The following PPARG variants were observed in gnomAD, a reference collection of about 807,000 sequenced individuals.
PPARG encodes the protein peroxisome proliferator-activated receptor gamma.
A neutral mutation model predicts 39.2 loss-of-function variants in PPARG; 17 were observed. That is an observed-to-expected ratio of 0.43 (90% confidence interval 0.30 to 0.65). PPARG has a LOEUF of 0.65. Among genes scored for constraint, PPARG ranks in the 30% least tolerant of loss-of-function variants. PPARG has a pLI of 0.13. For missense variants in PPARG, 406 were observed against 585.9 expected (o/e 0.69, Z 3.17); for synonymous variants, 223 against 215.7 (o/e 1.03, Z -0.30).
rs773298923 is a variant in PPARG at position 12,405,907 on chromosome 3, G to A, written c.555G>A (p.Gln185=). 6.2e-7 allele frequency: 1 copy of A among 1,614,148 alleles called. No homozygotes were observed. The highest frequency in any genetic ancestry group is 8.5e-7 in the Non-Finnish European group (1 of 1,180,018). ...HNAIRFGRMP[Q]AEKEKLLAEI... ...CCATCAGGTTTGGGCGGATGCCACA[G>A]GCCGAGAAGGAGAAGCTGTTGGCGG... is the stretch of plus-strand genomic sequence containing the variant. The change falls in exon 6 of 8, where the codon CAG becomes CAA. Residue 185 remains glutamine, a synonymous_variant. Transcript: ENST00000651735.
intron 2 of PPARG, among the ~76,000 whole-genome samples, chr3:12,335,330 T>C (rs1399969372): frequency 6.6e-6 from 1 of 152,198 alleles, no homozygotes; most frequent in Non-Finnish European, 1.5e-5. Flanking sequence ...ATTGAATTAT[T>C]TGAGGTTTTG....
intron 2 of PPARG, among the ~76,000 whole-genome samples, chr3:12,321,578 AT>A (rs1267080002): frequency 2.0e-5 from 3 of 152,050 alleles, no homozygotes; most frequent in Non-Finnish European, 4.4e-5. Context: ...CATTTGGGTT[AT>A]TGCAGATTAA....
At chr3:12,421,159 C>T (rs572376584) in intron 7 of PPARG, among the ~76,000 whole-genome samples, 1 of 152,322 alleles carries the variant, frequency 6.6e-6, no homozygotes, top group South Asian at 2.1e-4. Flanking sequence ...CCTGGGTGTC[C>T]TAACTGTCCC....
chr3:12,317,656 T>G (rs2047425615), intron 2 of PPARG, among the ~76,000 whole-genome samples: 1 of 152,172 alleles, frequency 6.6e-6, no homozygotes, highest in African/African-American at 2.4e-5. Context: ...ATGTAAATAT[T>G]TCACTCAATT....
chr3:12,361,790 A>C (rs900121835), intron 2 of PPARG, among the ~76,000 whole-genome samples: 1 of 152,208 alleles, frequency 6.6e-6, no homozygotes, highest in Non-Finnish European at 1.5e-5. Context: ...CTTCCCCTTC[A>C]AGATTTCCTT....
At chr3:12,329,206 C>T (rs1027348179) in intron 2 of PPARG, among the ~76,000 whole-genome samples, 1 of 149,286 alleles carries the variant, frequency 6.7e-6, no homozygotes, top group Non-Finnish European at 1.5e-5. Flanking sequence ...TGTAATAGTG[C>T]TCTCACTTTT....
At chr3:12,327,853 T>C (rs993453197) in intron 2 of PPARG, 3 of 471,550 alleles carry the variant, frequency 6.4e-6, no homozygotes, top group East Asian at 3.5e-5. Flanking sequence ...TCCTTTGTTA[T>C]CACAAACAAA....
intron 5 of PPARG, among the ~76,000 whole-genome samples, chr3:12,401,950 C>T (rs938561328): frequency 4.6e-5 from 7 of 152,042 alleles, no homozygotes; most frequent in African/African-American, 7.2e-5. Context: ...AATGGTTTTT[C>T]GGGGTATTTT....
chr3:12,316,015 T>G (rs116679556), intron 2 of PPARG, among the ~76,000 whole-genome samples: 1 of 152,202 alleles, frequency 6.6e-6, no homozygotes, highest in Non-Finnish European at 1.5e-5. Context: ...CCGTATTGTT[T>G]CTAGGCAAAA....
At chr3:12,355,991 C>T (rs1559505337) in intron 2 of PPARG, among the ~76,000 whole-genome samples, 1 of 152,132 alleles carries the variant, frequency 6.6e-6, no homozygotes, top group Non-Finnish European at 1.5e-5. Context: ...GGTACATATT[C>T]CTTGAGACAG....
At chr3:12,343,878 T>TTTTTA (rs2048255281) in intron 2 of PPARG, among the ~76,000 whole-genome samples, 1 of 147,384 alleles carries the variant, frequency 6.8e-6, no homozygotes, top group African/African-American at 2.6e-5. Flanking sequence ...TTTTTTTTTT[T>TTTTTA]GAGACAGAAT....
Position 12,330,295 on chromosome 3 carries a change from C to CT in PPARG, c.-9+17849dup, listed in dbSNP as rs1291245549. 8.6e-3 allele frequency among the ~76,000 whole-genome samples: 1,045 copies of CT among 121,996 alleles called. 24 individuals carry two copies. The highest frequency in any genetic ancestry group is 0.028 in the African/African-American group (912 of 32,076). The allele number at this position is 121,996 out of a possible 152,430, so 80.0% of individuals were successfully genotyped here. On this transcript the variant is annotated intron_variant, in intron 2 of 7. Transcript: ENST00000651735. Reference sequence around the variant, plus strand: ...TAATATCTCTACATTGCTACAACACCTTTTTTTAAAAAAAAAAAAAAAAAA... The same window carrying CT: ...TAATATCTCTACATTGCTACAACACCTTTTTTTTAAAAAAAAAAAAAAAAAA...
At chr3:12,396,683 AG>A (rs989135929) in intron 5 of PPARG, among the ~76,000 whole-genome samples, 4 of 149,598 alleles carry the variant, frequency 2.7e-5, no homozygotes, top group African/African-American at 9.9e-5. Flanking sequence ...GCTTTAGCCC[AG>A]GGGGTGGAAG....
Position 12,319,618 on chromosome 3 carries a change from A to G in PPARG, c.-9+7165A>G, listed in dbSNP as rs181896555. On this transcript the variant is annotated intron_variant, in intron 2 of 7. Coordinates refer to ENST00000651735, the MANE Select transcript of PPARG (RefSeq NM_138711.6). ...ATATTACTCATGAAGTATTGTGATA[A>G]TTACATACAATAGTAATTTCCTATT... Among the ~76,000 whole-genome samples the G allele has an allele frequency of 2.3e-4, 35 of 152,284 alleles. No individual in the cohort carries two copies. In the East Asian group the frequency reaches 6.0e-3, roughly 26 times the overall value.
chr3:12,405,923 C>G lies in PPARG; in HGVS notation c.571C>G (p.Leu191Val), dbSNP rs1346411548. ...GATGCCACAGGCCGAGAAGGAGAAG[C>G]TGTTGGCGGAGATCTCCAGTGATAT... is the stretch of plus-strand genomic sequence containing the variant. ...GRMPQAEKEK[L>V]LAEISSDIDQ... The change falls in exon 6 of 8, where the codon CTG becomes GTG. Residue 191 changes from leucine (L) to valine (V), a missense_variant. Around this residue, in one of 2 missense-constraint regions of PPARG, gnomAD observed 275 missense variants for 458.0 expected, o/e 0.60. Coordinates refer to ENST00000651735, the MANE Select transcript of PPARG (RefSeq NM_138711.6). The G allele has an allele frequency of 6.2e-7, 1 of 1,614,152 alleles. No individual in the cohort carries two copies. The highest frequency in any genetic ancestry group is 1.1e-5 in the South Asian group (1 of 91,084).
At chr3:12,429,803 A>C (rs2051594056) in intron 7 of PPARG, among the ~76,000 whole-genome samples, 1 of 152,206 alleles carries the variant, frequency 6.6e-6, no homozygotes, top group South Asian at 2.1e-4. Context: ...ATGAAGCATC[A>C]GTGGCTTTTT....
rs562030894 is a variant in PPARG at position 12,412,415 on chromosome 3, CTGAAAATCAAAATATATTTT to C, written c.730-4273_730-4254del. ...ATAAAACAGTACTTTTAATCCCATC[CTGAAAATCAAAATATATTTT>C]TGAAAATCAAAATATGTCAAAATTG... On this transcript the variant is annotated intron_variant, in intron 6 of 7. Transcript: ENST00000651735. 1.7e-3 allele frequency among the ~76,000 whole-genome samples: 257 copies of C among 152,124 alleles called. 1 individual carries two copies. Among genetic ancestry groups the C allele is most frequent in the African/African-American group, 5.7e-3 (238 of 41,488 alleles).
At chr3:12,390,572 A>G (rs956635362) in intron 4 of PPARG, among the ~76,000 whole-genome samples, 3 of 151,746 alleles carry the variant, frequency 2.0e-5, no homozygotes, top group Non-Finnish European at 2.9e-5. Context: ...AAGCCTCCAA[A>G]CAAGCAAAAT....
chr3:12,383,270 T>C (rs1413233067), intron 4 of PPARG, among the ~76,000 whole-genome samples: 2 of 152,188 alleles, frequency 1.3e-5, no homozygotes, highest in Non-Finnish European at 2.9e-5. Context: ...AAGAGATGCT[T>C]TCATTTAAAA....
Sources: allele counts gnomAD v4.1 joint callset (sites outside exome capture counted in the v4.1 genomes callset), GRCh38; gene constraint gnomAD v4.1.1; regional missense constraint gnomAD v4.1.1; transcripts MANE v1.5; gene names NCBI Gene and HGNC (gene_info 2026-07-23, HGNC 2026-07-21).